Variants in PCDHGB1 observed in about 807,000 individuals in gnomAD.
PCDHGB1 encodes the protein protocadherin gamma-B1.
Under a neutral mutation model 56.6 loss-of-function variants are expected in PCDHGB1, and 34 were observed. The observed-to-expected ratio is 0.60, with a 90% CI of 0.46 to 0.80. The LOEUF is 0.80. Among genes scored for constraint, PCDHGB1 ranks in the 30% least tolerant of loss-of-function variants. PCDHGB1 has a pLI of 0.00. For synonymous variants in PCDHGB1, 561 were observed against 505.9 expected (o/e 1.11, Z -1.46); for missense variants, 1,278 against 1,204.6 (o/e 1.06, Z -0.90).
At position 141,487,905 on chromosome 5, in the gene PCDHGB1, G is replaced by A. The variant is rs1305989274; in HGVS notation, c.2410-6902G>A. The A allele has an allele frequency of 2.9e-6, 2 of 686,270 alleles. No individual in the cohort carries two copies. The highest frequency in any genetic ancestry group is 3.6e-5 in the African/African-American group (2 of 55,348). The allele number at this position is 686,270 out of a possible 1,614,324, so 42.5% of individuals were successfully genotyped here. ...GTGGAAGCATGATGATGGAATGTGG[G>A]AGCACAGGAGGCTACAGTGCACAGG... On this transcript the variant is annotated intron_variant, in intron 1 of 3. Coordinates refer to ENST00000523390, the MANE Select transcript of PCDHGB1 (RefSeq NM_018922.3). This position sits in a 1 kb window ranked among gnomAD's most constrained non-coding sequence, Gnocchi z 5.0.
At chr5:141,355,698 C>G (rs781213427) in intron 1 of PCDHGB1, 1 of 1,613,810 alleles carries the variant, frequency 6.2e-7, no homozygotes, top group Non-Finnish European at 8.5e-7. Context: ...GTGTAAACTC[C>G]CTGCAGGGTT....
At chr5:141,384,179 G>C in intron 1 of PCDHGB1, 7 of 1,613,830 alleles carry the variant, frequency 4.3e-6, no homozygotes, top group Non-Finnish European at 5.9e-6. Context: ...GCCACAGATG[G>C]TGGAACTCCT....
chr5:141,476,912 G>A lies in PCDHGB1; in HGVS notation c.2410-17895G>A, dbSNP rs1196222770. 1.9e-6 allele frequency: 3 copies of A among 1,614,098 alleles called. No homozygotes were observed. Among genetic ancestry groups the A allele is most frequent in the Non-Finnish European group, 2.5e-6 (3 of 1,180,048 alleles). On this transcript the variant is annotated intron_variant, in intron 1 of 3. Coordinates refer to ENST00000523390, the MANE Select transcript of PCDHGB1 (RefSeq NM_018922.3). The surrounding 1 kb of genome is among the most constrained non-coding windows in gnomAD (Gnocchi z 7.6). Reference sequence around the variant, plus strand: ...ACCCTCCGGCACGCGCGTGGTACAAGTCCTTGCAACGGATCTGGATGAAGG... The same window carrying A: ...ACCCTCCGGCACGCGCGTGGTACAAATCCTTGCAACGGATCTGGATGAAGG...
intron 1 of PCDHGB1, among the ~76,000 whole-genome samples, chr5:141,420,737 A>G (rs1156969170): frequency 1.3e-5 from 2 of 152,244 alleles, no homozygotes; most frequent in Non-Finnish European, 2.9e-5. Flanking sequence ...GTTAAAATCA[A>G]TTGGAACCAA....
rs749095017 is a variant in PCDHGB1, at chr5:141,489,455, G to A, written c.2410-5352G>A. 1 of 1,614,042 alleles carries A rather than the reference G, an allele frequency of 6.2e-7. No homozygotes were observed. ...CTGCAATTGGGCTCTGAGGAGAATGGGCGCTATTTTTCCCTGAGCTTGATG... is the reference window on the plus strand; with the variant it reads ...CTGCAATTGGGCTCTGAGGAGAATGAGCGCTATTTTTCCCTGAGCTTGATG... On this transcript the variant is annotated intron_variant, in intron 1 of 3. Coordinates refer to ENST00000523390, the MANE Select transcript of PCDHGB1 (RefSeq NM_018922.3). This position sits in a 1 kb window ranked among gnomAD's most constrained non-coding sequence, Gnocchi z 4.5.
chr5:141,364,963 C>T (rs1763641490), intron 1 of PCDHGB1: 1 of 1,613,822 alleles, frequency 6.2e-7, no homozygotes, highest in Admixed American at 1.7e-5. Context: ...ACGACCTCCT[C>T]CTCACAGCTT....
In PCDHGB1 at chr5:141,375,715, C is replaced by T. The variant is rs773544417; in HGVS notation, c.2409+23046C>T. 3.7e-6 allele frequency: 6 copies of T among 1,614,284 alleles called. 1 individual carries two copies. Among genetic ancestry groups the T allele is most frequent in the Non-Finnish European group, 5.1e-6 (6 of 1,180,050 alleles). Reference sequence around the variant, plus strand: ...ACAGCGGGGACCCGCCTCTTAGCAGCAACGTGTCACTGAGCCTGTTTGTGC... The same window carrying T: ...ACAGCGGGGACCCGCCTCTTAGCAGTAACGTGTCACTGAGCCTGTTTGTGC... On this transcript the variant is annotated intron_variant, in intron 1 of 3. Coordinates refer to ENST00000523390, the MANE Select transcript of PCDHGB1 (RefSeq NM_018922.3).
At chr5:141,410,888 C>G in intron 1 of PCDHGB1, 1 of 290,774 alleles carries the variant, frequency 3.4e-6, no homozygotes, top group Non-Finnish European at 5.6e-6. Flanking sequence ...GAGTCTCGCA[C>G]TGTTGCCTAG....
At chr5:141,368,899 T>A (rs1765918002) in intron 1 of PCDHGB1, among the ~76,000 whole-genome samples, 1 of 152,202 alleles carries the variant, frequency 6.6e-6, no homozygotes, top group Admixed American at 6.5e-5. Context: ...ATTTTTGATG[T>A]TTGTATAAAG....
intron 1 of PCDHGB1, chr5:141,410,275 C>A: frequency 6.2e-7 from 1 of 1,614,038 alleles, no homozygotes; most frequent in Non-Finnish European, 8.5e-7. Context: ...TGCAGTTTTA[C>A]CTGGTGGTGG....
intron 1 of PCDHGB1, chr5:141,413,569 G>A: frequency 1.2e-6 from 2 of 1,613,846 alleles, no homozygotes; most frequent in Non-Finnish European, 1.7e-6. Context: ...TGATATCAAT[G>A]ACAATGCTCC....
At chr5:141,385,921 T>C (rs1283836532) in intron 1 of PCDHGB1, 1 of 152,286 alleles carries the variant, frequency 6.6e-6, no homozygotes. Context: ...CTAAGATCTA[T>C]ATCAAAGACA....
chr5:141,361,845 T>C, intron 1 of PCDHGB1: 2 of 1,612,744 alleles, frequency 1.2e-6, no homozygotes, highest in Non-Finnish European at 1.7e-6. Flanking sequence ...TGGGGCCTGA[T>C]GGCTCCGCCC....
At chr5:141,376,589 C>A in intron 1 of PCDHGB1, 1 of 1,568,198 alleles carries the variant, frequency 6.4e-7, no homozygotes, top group South Asian at 1.2e-5. Context: ...TCAGCTAGAT[C>A]GGCTGTTATA....
chr5:141,399,797 G>T, intron 1 of PCDHGB1: 2 of 1,613,192 alleles, frequency 1.2e-6, no homozygotes, highest in Non-Finnish European at 8.5e-7. Context: ...AACGCACCGC[G>T]GGTGCTGTAC....
intron 1 of PCDHGB1, among the ~76,000 whole-genome samples, chr5:141,434,824 A>ACTTG (rs1561875192): frequency 1.3e-5 from 2 of 151,888 alleles, no homozygotes; most frequent in African/African-American, 4.8e-5. Flanking sequence ...CCCTTAGTAC[A>ACTTG]CTTGGCATTT....
intron 1 of PCDHGB1, chr5:141,423,206 C>A: frequency 6.2e-7 from 1 of 1,613,668 alleles, no homozygotes. Context: ...GCCACCGTCA[C>A]GCTCACCGTG....
In PCDHGB1 at chr5:141,431,469, A is replaced by G; in HGVS notation, c.2410-63338A>G. 1.9e-6 allele frequency: 3 copies of G among 1,613,824 alleles called. No individual in the cohort carries two copies. Among genetic ancestry groups the G allele is most frequent in the Non-Finnish European group, 2.5e-6 (3 of 1,179,968 alleles). ...CGCGTGATGGTTCTGGATGCGAACG[A>G]CAACGCACCAGCGTTTGCTCAGCCC... is the stretch of plus-strand genomic sequence containing the variant. On this transcript the variant is annotated intron_variant, in intron 1 of 3. Coordinates refer to ENST00000523390, the MANE Select transcript of PCDHGB1 (RefSeq NM_018922.3). This position sits in a 1 kb window ranked among gnomAD's most constrained non-coding sequence, Gnocchi z 4.8.
At chr5:141,377,488 C>T (rs1774054188) in intron 1 of PCDHGB1, 1 of 151,792 alleles carries the variant, frequency 6.6e-6, no homozygotes, top group Admixed American at 6.6e-5. Flanking sequence ...CCCAGCTACT[C>T]GAGAAGCTCT....
Sources: gnomAD v4.1 joint callset for allele counts (sites outside exome capture counted in the v4.1 genomes callset) on GRCh38, gnomAD v4.1.1 for gene constraint, Gnocchi (gnomAD v3.1) non-coding constraint, MANE v1.5 for transcripts, NCBI Gene and HGNC (gene_info 2026-07-23, HGNC 2026-07-21) for gene names.